The following ZBTB49 variants were observed in gnomAD, a reference collection of about 807,000 sequenced individuals.
The protein encoded by ZBTB49 is zinc finger and BTB domain containing 49, also known as zinc finger and BTB domain-containing protein 49.
A neutral mutation model predicts 57.5 loss-of-function variants in ZBTB49; 43 were observed. The observed-to-expected ratio is 0.75, with a 90% CI of 0.59 to 0.97. ZBTB49 has a LOEUF of 0.97. ZBTB49 is among the 50% of genes least tolerant of loss of function. ZBTB49 has a pLI of 0.00. For synonymous variants in ZBTB49, 369 were observed against 362.1 expected, an observed-to-expected ratio of 1.02 and a Z score of -0.22; for missense variants, 938 against 947.7, an observed-to-expected ratio of 0.99 and a Z score of 0.13.
In ZBTB49 at chr4:4,303,285, G is replaced by A. The variant is rs534749727; in HGVS notation, c.1255+194G>A. ...CATCTGACTTAAAGTTTTGTAAATG[G>A]TTTTATAAAGTCACTTTAAAAAGGT... On this transcript the variant is annotated intron_variant, in intron 3 of 7. Coordinates refer to ENST00000337872, the MANE Select transcript of ZBTB49 (RefSeq NM_145291.4). Among the ~76,000 whole-genome samples the A allele has an allele frequency of 3.9e-5, 6 of 152,162 alleles. No homozygotes were observed. In the South Asian group the frequency reaches 1.3e-3, roughly 32 times the overall value.
intron 7 of ZBTB49, among the ~76,000 whole-genome samples, chr4:4,317,210 C>T (rs1028914922): frequency 7.9e-5 from 12 of 152,308 alleles, no homozygotes; most frequent in African/African-American, 2.6e-4. Flanking sequence ...ACTTTGGGTT[C>T]TGCCCTTTCC....
intron 4 of ZBTB49, among the ~76,000 whole-genome samples, chr4:4,308,728 C>T (rs995124140): frequency 6.6e-6 from 1 of 152,166 alleles, no homozygotes; most frequent in Non-Finnish European, 1.5e-5. Context: ...TGGCCATGGC[C>T]TCCAGGAGCT....
intron 4 of ZBTB49, 33 bp from the exon 5 acceptor site, chr4:4,313,008 T>C: frequency 6.2e-7 from 1 of 1,610,906 alleles, no homozygotes; most frequent in South Asian, 1.1e-5. Context: ...AAACTTTCAT[T>C]ATTGGTGTGT....
intron 7 of ZBTB49, among the ~76,000 whole-genome samples, chr4:4,319,924 C>T (rs1251331319): frequency 1.3e-5 from 2 of 151,356 alleles, no homozygotes; most frequent in African/African-American, 2.4e-5. Flanking sequence ...ATTAGCCTGG[C>T]GTGGTGTCAG....
intron 7 of ZBTB49, among the ~76,000 whole-genome samples, chr4:4,316,229 G>C (rs1278040854): frequency 6.6e-6 from 1 of 152,172 alleles, no homozygotes; most frequent in Non-Finnish European, 1.5e-5. Flanking sequence ...AGGGCTCTTG[G>C]TCCAGATGGG....
intron 4 of ZBTB49, among the ~76,000 whole-genome samples, chr4:4,308,586 A>G (rs542626863): frequency 6.6e-6 from 1 of 152,290 alleles, no homozygotes; most frequent in Admixed American, 6.5e-5. Context: ...TTTCAGATGT[A>G]TATTGCTGCT....
Position 4,303,022 on chromosome 4 carries a change from G to A in ZBTB49, c.1186G>A (p.Ala396Thr), listed in dbSNP as rs114306264. 16,823 of 1,613,982 alleles carry A rather than the reference G, an allele frequency of 0.01. 106 individuals carry two copies. The highest frequency in any genetic ancestry group is 0.013 in the Non-Finnish European group (15,028 of 1,179,986). ...GACACTTCAGTCCCAGAGACAATAC[G>A]CGTGTGAATTATGCGGGAAACCTTT... ...SQTLQSQRQY[A>T]CELCGKPFKH... The change falls in exon 3 of 8, where the codon GCG becomes ACG. Residue 396 changes from alanine to threonine, a missense_variant. Transcript: ENST00000337872.
At chr4:4,306,334 TTCAAGAAAA>T in intron 4 of ZBTB49, 150 bp downstream of exon 4, 1 of 697,316 alleles carries the variant, frequency 1.4e-6, no homozygotes, top group Non-Finnish European at 2.4e-6. Flanking sequence ...ATAAATCGTT[TTCAAGAAAA>T]CAGATTTCTA....
chr4:4,313,872 ATTTAT>A (rs1193242587), intron 5 of ZBTB49, among the ~76,000 whole-genome samples: 1 of 152,206 alleles, frequency 6.6e-6, no homozygotes, highest in Non-Finnish European at 1.5e-5. Context: ...TTTTATATTC[ATTTAT>A]TTAATCATTC....
At chr4:4,316,089 A>T in intron 7 of ZBTB49, 119 bp downstream of exon 7, 1 of 1,272,792 alleles carries the variant, frequency 7.9e-7, no homozygotes, top group Non-Finnish European at 1.1e-6. Flanking sequence ...CTGTTTTTTT[A>T]TTGCCTCACA....
chr4:4,304,256 C>T (rs1335163463), intron 3 of ZBTB49, among the ~76,000 whole-genome samples: 4 of 144,312 alleles, frequency 2.8e-5, no homozygotes, highest in Non-Finnish European at 3.0e-5. Context: ...GACAGAGTTT[C>T]GCTCTGTTGC....
chr4:4,310,305 AATTAG>A (rs1392149262), intron 4 of ZBTB49, among the ~76,000 whole-genome samples: 4 of 152,186 alleles, frequency 2.6e-5, no homozygotes, highest in Non-Finnish European at 4.4e-5. Flanking sequence ...GGCAAACCTG[AATTAG>A]TGAATTCAGT....
chr4:4,299,811 G>A (rs1040590820), intron 1 of ZBTB49, 116 bp from the exon 2 acceptor site: 1 of 805,416 alleles, frequency 1.2e-6, no homozygotes, highest in Non-Finnish European at 1.8e-6. Context: ...GTGTGTGTGT[G>A]AGAGAGAAAC....
At chr4:4,299,776 G>GTTT (rs1553803868) in intron 1 of ZBTB49, among the ~76,000 whole-genome samples, 151 bp from the exon 2 acceptor site, 1 of 103,636 alleles carries the variant, frequency 9.6e-6, no homozygotes, top group East Asian at 2.8e-4. Flanking sequence ...CAGAAACAGA[G>GTTT]GTGTGTGTGT....
intron 1 of ZBTB49, among the ~76,000 whole-genome samples, chr4:4,292,850 T>C (rs1406167413): frequency 6.6e-6 from 1 of 152,238 alleles, no homozygotes; most frequent in Admixed American, 6.5e-5. Flanking sequence ...GGGCCTTTGC[T>C]CTAGGAGTCC....
At chr4:4,300,870 CT>C (rs1229338131) in intron 2 of ZBTB49, among the ~76,000 whole-genome samples, 11 of 147,918 alleles carry the variant, frequency 7.4e-5, no homozygotes, top group Admixed American at 1.4e-4. Flanking sequence ...AATACAAAGT[CT>C]TTTTTTTTTA....
chr4:4,298,028 A>G (rs930324903), intron 1 of ZBTB49, among the ~76,000 whole-genome samples: 1 of 152,218 alleles, frequency 6.6e-6, no homozygotes, highest in African/African-American at 2.4e-5. Flanking sequence ...ATTTTTAACA[A>G]GCTCCCCAGG....
At chr4:4,307,118 C>T (rs1471888183) in intron 4 of ZBTB49, among the ~76,000 whole-genome samples, 1 of 152,224 alleles carries the variant, frequency 6.6e-6, no homozygotes, top group Non-Finnish European at 1.5e-5. Flanking sequence ...TTCACCCTCC[C>T]ACTCTCTGAG....
intron 1 of ZBTB49, among the ~76,000 whole-genome samples, chr4:4,295,972 A>C (rs1325982458): frequency 6.6e-6 from 1 of 152,222 alleles, no homozygotes; most frequent in African/African-American, 2.4e-5. Context: ...AAAGTTTCAA[A>C]TTTAGGAATT....
Sources: allele counts gnomAD v4.1 joint callset (sites outside exome capture counted in the v4.1 genomes callset), GRCh38; gene constraint gnomAD v4.1.1; transcripts MANE v1.5; gene names NCBI Gene and HGNC (gene_info 2026-07-23, HGNC 2026-07-21).